ZNF585B: variants seen among roughly 807,000 people sequenced by gnomAD.
ZNF585B encodes zinc finger protein 585B, also known as zinc finger protein 41-like protein.
A neutral mutation model predicts 14.0 loss-of-function variants in ZNF585B; 7 were observed. That is an observed-to-expected ratio of 0.50 (90% CI 0.28 to 0.94). ZNF585B has a LOEUF of 0.94. Among genes scored for constraint, ZNF585B ranks in the 40% least tolerant of loss-of-function variants. The probability of loss-of-function intolerance (pLI) is 0.09; values close to 1 mark genes in which losing one functional copy is unlikely to be tolerated. For synonymous variants in ZNF585B, 290 were observed against 317.3 expected (o/e 0.91, Z 0.91); for missense variants, 750 against 924.4 (o/e 0.81, Z 2.45).
In ZNF585B at chr19:37,189,781, G is replaced by A. The variant is rs76548873; in HGVS notation, c.200-28C>T. 4.2e-4 allele frequency: 675 copies of A among 1,613,608 alleles called. 11 individuals are homozygous for A. The East Asian group carries it at 0.015, about 36-fold the overall frequency. ...GTTCATGGGAAATGATAAAGGTCTGGGTCCAGCTAATTACGTTTCAGAGCC... is the reference window on the plus strand; with the variant it reads ...GTTCATGGGAAATGATAAAGGTCTGAGTCCAGCTAATTACGTTTCAGAGCC... On this transcript the variant is annotated intron_variant, in intron 3 of 4. Transcript: ENST00000532828.
chr19:37,208,196 C>A (rs1972607102), intron 1 of ZNF585B, among the ~76,000 whole-genome samples: 1 of 152,202 alleles, frequency 6.6e-6, no homozygotes. Context: ...TGATCTTGAT[C>A]TCCTGACCTT....
chr19:37,187,782 GGTGA>G (rs1276393963), intron 4 of ZNF585B, among the ~76,000 whole-genome samples: 1 of 152,034 alleles, frequency 6.6e-6, no homozygotes, highest in East Asian at 1.9e-4. Flanking sequence ...AAAGGGTAAG[GGTGA>G]GTAATTTCAT....
chr19:37,193,165 C>T (rs977286229), intron 2 of ZNF585B, among the ~76,000 whole-genome samples: 2 of 151,318 alleles, frequency 1.3e-5, no homozygotes, highest in Non-Finnish European at 3.0e-5. Flanking sequence ...AAAAACACCA[C>T]ATGAGTTTAA....
At chr19:37,201,085 G>A (rs1298744509) in intron 2 of ZNF585B, among the ~76,000 whole-genome samples, 2 of 118,474 alleles carry the variant, frequency 1.7e-5, no homozygotes, top group Admixed American at 8.8e-5. Flanking sequence ...GCAAGACTCC[G>A]TCTCAAAAAA....
chr19:37,199,393 C>G (rs187359739), intron 2 of ZNF585B: 1 of 407,228 alleles, frequency 2.5e-6, no homozygotes, highest in East Asian at 8.0e-5. Context: ...GTTCTATTGG[C>G]GCGTACCTGT....
In ZNF585B at chr19:37,187,069, T is replaced by G; in HGVS notation, c.468A>C (p.Lys156Asn). The change falls in exon 5 of 5, where the codon AAA (lysine) becomes AAC (asparagine). Residue 156 changes from lysine (K) to asparagine (N), a missense_variant. Coordinates refer to ENST00000532828, the MANE Select transcript of ZNF585B (RefSeq NM_152279.4). ...TCCCACATTCAATACATACATAGAG[T>G]TTTTCTCCTGTAGGAACTTTCAGAT... ...KVHLKVPTGEKLYVCIECGRA... is the reference protein window; with the variant it reads ...KVHLKVPTGENLYVCIECGRA... 1 of 1,613,512 alleles carries G rather than the reference T, an allele frequency of 6.2e-7. No individual in the cohort carries two copies. Among genetic ancestry groups the G allele is most frequent in the Middle Eastern group, 1.7e-4 (1 of 6,060 alleles).
At chr19:37,187,289 T>C in intron 4 of ZNF585B, 45 bp from the exon 5 acceptor site, 4 of 1,344,034 alleles carry the variant, frequency 3.0e-6, no homozygotes, top group Admixed American at 2.2e-5. Context: ...CATTTTACCA[T>C]AGTTAGTACT....
chr19:37,202,065 G>A (rs960912919), intron 2 of ZNF585B, among the ~76,000 whole-genome samples: 11 of 151,708 alleles, frequency 7.3e-5, no homozygotes, highest in African/African-American at 2.4e-4. Flanking sequence ...TTGTTGCCCC[G>A]GCTGGAGTGA....
intron 1 of ZNF585B, among the ~76,000 whole-genome samples, 174 bp from the exon 2 acceptor site, chr19:37,207,428 C>A (rs1457247125): frequency 6.6e-6 from 1 of 152,176 alleles, no homozygotes; most frequent in Non-Finnish European, 1.5e-5. Flanking sequence ...TCAACTTCAC[C>A]CCTTCGATGG....
chr19:37,195,268 C>T (rs1972450338), intron 2 of ZNF585B, among the ~76,000 whole-genome samples: 2 of 140,604 alleles, frequency 1.4e-5, no homozygotes, highest in African/African-American at 2.6e-5. Flanking sequence ...ATCACTGGAA[C>T]CCGGGAGGAG....
At chr19:37,208,504 C>G (rs974145792) in intron 1 of ZNF585B, among the ~76,000 whole-genome samples, 2 of 150,446 alleles carry the variant, frequency 1.3e-5, no homozygotes, top group South Asian at 4.2e-4. Context: ...CCATAAAATT[C>G]GACATAAAGA....
At chr19:37,203,880 G>A (rs546081495) in intron 2 of ZNF585B, among the ~76,000 whole-genome samples, 2 of 152,046 alleles carry the variant, frequency 1.3e-5, no homozygotes, top group Non-Finnish European at 2.9e-5. Flanking sequence ...TGCCCGCCTC[G>A]GCCTCCCAAA....
chr19:37,207,359 C>G, intron 1 of ZNF585B, 105 bp from the exon 2 acceptor site: 1 of 828,316 alleles, frequency 1.2e-6, no homozygotes, highest in South Asian at 2.7e-5. Flanking sequence ...CAGTGGTTCC[C>G]AAACGTAGGT....
At position 37,186,595 on chromosome 19, in the gene ZNF585B, CT is replaced by C. The variant is rs1294149183; in HGVS notation, c.941del (p.Gln314ArgfsTer10). ...CTCTTGTGTGAACACGTTGATGTAC[CT>C]GAAGTTGTGACTTGGAAATGAAGGA... is the stretch of plus-strand genomic sequence containing the variant. Reference protein sequence around the residue: ...GKSFISKSQLQVHQRVHTRVK... With the variant: ...GKSFISKSQLXVHQRVHTRVK... On this transcript the variant is annotated frameshift_variant, in exon 5 of 5. Transcript: ENST00000532828. LOFTEE classifies it low-confidence loss of function (END_TRUNC). 6.2e-7 allele frequency: 1 copy of C among 1,614,018 alleles called. No homozygotes were observed. Among genetic ancestry groups the C allele is most frequent in the African/African-American group, 1.3e-5 (1 of 74,900 alleles).
Position 37,187,052 on chromosome 19 carries a change from T to A in ZNF585B, c.485A>T (p.Glu162Val). The A allele has an allele frequency of 6.2e-7, 1 of 1,613,372 alleles. No homozygotes were observed. The highest frequency in any genetic ancestry group is 8.5e-7 in the Non-Finnish European group (1 of 1,179,816). The change falls in exon 5 of 5, where the codon GAA becomes GTA. Residue 162 changes from glutamate to valine, a missense_variant. Coordinates refer to ENST00000532828, the MANE Select transcript of ZNF585B (RefSeq NM_152279.4). Reference sequence around the variant, plus strand: ...CTTCTGTACAAAAGCCCTCCCACATTCAATACATACATAGAGTTTTTCTCC... The same window carrying A: ...CTTCTGTACAAAAGCCCTCCCACATACAATACATACATAGAGTTTTTCTCC... ...PTGEKLYVCIECGRAFVQKPE... is the reference protein window; with the variant it reads ...PTGEKLYVCIVCGRAFVQKPE...
At position 37,210,513 on chromosome 19, in the gene ZNF585B, G is replaced by C. The variant is rs1047987696; in HGVS notation, c.-216C>G. On this transcript the variant is annotated 5_prime_UTR_variant, in exon 1 of 5. Transcript: ENST00000532828. ...TGACGCCAGCGGCGAAATAGCCTTC[G>C]GGGACCACTTCCACTTCCGGTCCGA... is the stretch of plus-strand genomic sequence containing the variant. The C allele has an allele frequency of 2.0e-5, 3 of 152,230 alleles. No individual in the cohort carries two copies. The highest frequency in any genetic ancestry group is 2.1e-4 in the South Asian group (1 of 4,812). 9.4% of individuals were successfully genotyped at this position (152,230 alleles called of 1,614,324 possible).
chr19:37,204,487 C>T (rs1025009971), intron 2 of ZNF585B, among the ~76,000 whole-genome samples: 10 of 152,312 alleles, frequency 6.6e-5, no homozygotes, highest in African/African-American at 2.4e-4. Flanking sequence ...ACCACTCTGT[C>T]GTTATATTTG....
At chr19:37,193,242 C>T (rs1386923271) in intron 2 of ZNF585B, among the ~76,000 whole-genome samples, 2 of 151,500 alleles carry the variant, frequency 1.3e-5, no homozygotes, top group Non-Finnish European at 2.9e-5. Context: ...GAGGCCGAGG[C>T]GGGCAGATCA....
At chr19:37,188,641 C>T (rs1436335219) in intron 4 of ZNF585B, among the ~76,000 whole-genome samples, 1 of 151,432 alleles carries the variant, frequency 6.6e-6, no homozygotes, top group Non-Finnish European at 1.5e-5. Context: ...TATACTCCAG[C>T]CTGGGCGACA....
Sources: gnomAD v4.1 joint callset for allele counts (sites outside exome capture counted in the v4.1 genomes callset) on GRCh38, gnomAD v4.1.1 for gene constraint, MANE v1.5 for transcripts, NCBI Gene and HGNC (gene_info 2026-07-23, HGNC 2026-07-21) for gene names.